SPG7: variants seen among roughly 807,000 people sequenced by gnomAD.
SPG7 encodes SPG7 matrix AAA peptidase subunit, paraplegin, also known as mitochondrial inner membrane m-AAA protease component paraplegin.
SPG7 carries 103 observed loss-of-function variants against 81.9 expected under a neutral mutation model. That is an observed-to-expected ratio of 1.26 (90% CI 1.07 to 1.48). The LOEUF (loss-of-function observed/expected upper bound fraction) is 1.48. Ranked by LOEUF, SPG7 falls within the 40% of genes most tolerant of loss-of-function variation. The pLI is 0.00. For missense variants in SPG7, 1,241 were observed against 1,087.3 expected (o/e 1.14, Z -1.99); for synonymous variants, 534 against 444.2 (o/e 1.20, Z -2.54).
rs1281254674 is a variant in SPG7 at position 89,532,061 on chromosome 16, T to C, written c.1145T>C (p.Ile382Thr). Reference protein sequence around the residue: ...AMAGPEFVEVIGGLGAARVRS... With the variant: ...AMAGPEFVEVTGGLGAARVRS... The stretch of plus-strand genomic sequence containing the variant: ...GCCGGCCCAGAGTTCGTGGAGGTCA[T>C]TGGAGGTAGGTGCTGTGGTTGGGGG... Residue 382 changes from isoleucine to threonine, a missense_variant, in exon 8 of 17, where the codon ATT (isoleucine) becomes ACT (threonine). Ile to Thr is a moderately conservative substitution (Grantham distance 89). Transcript: ENST00000645818. 5 of 1,612,346 alleles carry C rather than the reference T, an allele frequency of 3.1e-6. No individual in the cohort carries two copies. The highest frequency in any genetic ancestry group is 2.2e-5 in the South Asian group (2 of 91,028).
chr16:89,537,050 C>T (rs751811302), intron 9 of SPG7: 6 of 1,593,140 alleles, frequency 3.8e-6, no homozygotes, highest in Non-Finnish European at 5.1e-6. Context: ...AATCCGCTGA[C>T]TGAAGGCCTC....
intron 16 of SPG7, chr16:89,556,603 C>T (rs117652129): frequency 1.1e-4 from 50 of 460,224 alleles, no homozygotes; most frequent in East Asian, 1.1e-3. Context: ...TAGACACACA[C>T]GTCTTGTTTG....
At chr16:89,522,488 A>G (rs4785687) in intron 3 of SPG7, 86,579 of 150,424 alleles carry the variant, frequency 0.58, 25,991 homozygotes, top group Middle Eastern at 0.81. Flanking sequence ...CGTCGTTACC[A>G]CCGCTGGGTC....
At chr16:89,510,378 A>G in intron 1 of SPG7, 112 bp from the exon 2 acceptor site, 1 of 691,202 alleles carries the variant, frequency 1.4e-6, no homozygotes, top group Middle Eastern at 3.8e-4. Flanking sequence ...GGCAATGTAG[A>G]TATTACAAAT....
At chr16:89,532,936 A>G in intron 9 of SPG7, 2 of 420,616 alleles carry the variant, frequency 4.8e-6, no homozygotes. Flanking sequence ...TACAAAAGTC[A>G]GCCGGGTGTG....
chr16:89,526,636 T>G lies in SPG7; in HGVS notation c.758+168T>G, dbSNP rs74941998. ...AGTGAATGATACAATGCCAGGAGAT[T>G]TGGAAATATAGTTATCCCTGGGTAT... On this transcript the variant is annotated intron_variant, in intron 5 of 16. Transcript: ENST00000645818. 2.1e-3 allele frequency: 1,496 copies of G among 729,694 alleles called. 61 individuals carry two copies. In the East Asian group the frequency reaches 0.042, roughly 20 times the overall value. The allele number at this position is 729,694 out of a possible 1,614,324, so 45.2% of individuals were successfully genotyped here. A position where few individuals can be genotyped will look rare whatever the true frequency, so the allele number is the denominator to read the frequency against.
intron 3 of SPG7, among the ~76,000 whole-genome samples, chr16:89,515,897 C>T (rs2058089924): frequency 6.6e-6 from 1 of 151,464 alleles, no homozygotes; most frequent in South Asian, 2.1e-4. Flanking sequence ...TTAGCAGAGA[C>T]AGGGTTTCAC....
intron 9 of SPG7, chr16:89,544,199 G>A (rs1030048950): frequency 1.1e-5 from 3 of 261,814 alleles, no homozygotes; most frequent in African/African-American, 2.2e-5. Context: ...GATGACAAAC[G>A]TCAAGCCTGA....
At chr16:89,508,647 C>T (rs1567891810) in intron 1 of SPG7, 47 bp downstream of exon 1, 1 of 1,428,420 alleles carries the variant, frequency 7.0e-7, no homozygotes, top group African/African-American at 1.5e-5. Context: ...CGGCTCTGCT[C>T]TGTAAGGCCC....
chr16:89,545,988 C>T (rs892960731), intron 10 of SPG7: 1 of 422,184 alleles, frequency 2.4e-6, no homozygotes, highest in Admixed American at 2.9e-5. Flanking sequence ...GCGTGCGCCG[C>T]CGTGCTGGTT....
intron 9 of SPG7, chr16:89,540,274 C>G (rs2058478277): frequency 6.6e-6 from 1 of 152,146 alleles, no homozygotes. Flanking sequence ...GAACACACAC[C>G]TCTTAGGAGA....
Position 89,531,996 on chromosome 16 carries a change from GGCGGTGGCCACGGA to G in SPG7, c.1082_1095del (p.Ala361GlyfsTer30), listed in dbSNP as rs754105862. The stretch of plus-strand genomic sequence containing the variant: ...GCTGTGGGAAGACGCTGCTGGCCAA[GGCGGTGGCCACGGA>G]GGCTCAGGTGCCCTTCCTGGCGATG... On this transcript the variant is annotated frameshift_variant, in exon 8 of 17. Transcript: ENST00000645818. LOFTEE classifies it high-confidence loss of function. 1 of 1,614,018 alleles carries G rather than the reference GGCGGTGGCCACGGA, an allele frequency of 6.2e-7. No homozygotes were observed. Among genetic ancestry groups the G allele is most frequent in the East Asian group, 2.2e-5 (1 of 44,888 alleles).
chr16:89,545,702 C>A, intron 10 of SPG7: 1 of 269,286 alleles, frequency 3.7e-6, no homozygotes. Flanking sequence ...AGGGCGGCTC[C>A]TGGCTTTTTG....
In SPG7 at chr16:89,541,528, G is replaced by A. The variant is rs370942280; in HGVS notation, c.1325-3120G>A. 28 of 167,820 alleles carry A rather than the reference G, an allele frequency of 1.7e-4. No individual in the cohort carries two copies. The South Asian group carries it at 4.9e-3, about 29-fold the overall frequency. The allele number at this position is 167,820 out of a possible 1,614,324, so 10.4% of individuals were successfully genotyped here. A position where few individuals can be genotyped will look rare whatever the true frequency, so the allele number is the denominator to read the frequency against. ...GAGGGGAGATGCTCGTTATGTGAAC[G>A]TGCGTGTGACACAGGTGTCCATCTG... On this transcript the variant is annotated intron_variant, in intron 9 of 16. Transcript: ENST00000645818.
chr16:89,537,157 G>A (rs1448595982), intron 9 of SPG7: 85 of 1,455,760 alleles, frequency 5.8e-5, no homozygotes, highest in Middle Eastern at 2.5e-4. Flanking sequence ...TGTTGCTTCC[G>A]TTCATGGAAG....
At chr16:89,512,389 C>G (rs1404342941) in intron 2 of SPG7, among the ~76,000 whole-genome samples, 1 of 151,926 alleles carries the variant, frequency 6.6e-6, no homozygotes, top group Admixed American at 6.6e-5. Flanking sequence ...GATCTCAGCT[C>G]ACTGCAACCT....
chr16:89,549,000 G>C, intron 12 of SPG7: 1 of 455,834 alleles, frequency 2.2e-6, no homozygotes, highest in Non-Finnish European at 4.4e-6. Context: ...CTTCAGCTTG[G>C]GAAAGCAGTG....
At chr16:89,549,223 G>C (rs150306537) in intron 12 of SPG7, 1 of 456,762 alleles carries the variant, frequency 2.2e-6, no homozygotes, top group Non-Finnish European at 4.4e-6. Context: ...CAAGCCAGTT[G>C]AAAGAAAATA....
intron 14 of SPG7, chr16:89,553,540 T>C: frequency 1.8e-6 from 1 of 559,380 alleles, no homozygotes; most frequent in Non-Finnish European, 3.2e-6. Context: ...GCTTGAGAAC[T>C]GCCATGCAGT....
Sources: allele counts gnomAD v4.1 joint callset (sites outside exome capture counted in the v4.1 genomes callset), GRCh38; gene constraint gnomAD v4.1.1; transcripts MANE v1.5; gene names NCBI Gene and HGNC (gene_info 2026-07-23, HGNC 2026-07-21).